COL5A1: variants seen among roughly 807,000 people sequenced by gnomAD.
COL5A1 encodes collagen type V alpha 1 chain, also known as collagen alpha-1(V) chain.
Under a neutral mutation model 263.7 loss-of-function variants are expected in COL5A1, and 16 were observed. The observed-to-expected ratio is 0.06, with a 90% CI of 0.04 to 0.09. The LOEUF (loss-of-function observed/expected upper bound fraction) is 0.09. Ranked by LOEUF, COL5A1 falls within the 10% of genes least tolerant of loss-of-function variation. The pLI is 1.00. For synonymous variants in COL5A1, 1,012 were observed against 1,004.5 expected, an observed-to-expected ratio of 1.01 and a Z score of -0.14; for missense variants, 2,036 against 2,540.5, an observed-to-expected ratio of 0.80 and a Z score of 4.27.
At chr9:134,685,646 A>T (rs1394187279) in intron 1 of COL5A1, among the ~76,000 whole-genome samples, 1 of 126,982 alleles carries the variant, frequency 7.9e-6, no homozygotes, top group Non-Finnish European at 1.7e-5. Flanking sequence ...CCATCCATCC[A>T]TGCATCCATT....
At chr9:134,830,110 T>G (rs547237233) in intron 64 of COL5A1, 66 bp downstream of exon 64, 8 of 1,612,856 alleles carry the variant, frequency 5.0e-6, no homozygotes, top group Middle Eastern at 3.3e-4. Context: ...TCTTACAGAG[T>G]AAAATGGCCC....
intron 11 of COL5A1, among the ~76,000 whole-genome samples, chr9:134,744,400 C>T (rs550216362): frequency 7.5e-4 from 114 of 152,052 alleles, no homozygotes; most frequent in Middle Eastern, 3.4e-3. Context: ...CACACTCAAC[C>T]GTATATGCAC....
rs200583777 is a variant in COL5A1 at position 134,786,062 on chromosome 9, G to A, written c.2646+14G>A. 125 of 1,607,728 alleles carry A rather than the reference G, an allele frequency of 7.8e-5. No homozygotes were observed. The highest frequency in any genetic ancestry group is 6.6e-4 in the Middle Eastern group (4 of 6,056). ...CAAGGACCAAAGGTAACTTCTGGCC[G>A]TGTTAGGTGTCCCGGGACAGGCGGA... On this transcript the variant is annotated intron_variant, in intron 31 of 65. Transcript: ENST00000371817.
rs1564435818 is a variant in COL5A1, at chr9:134,757,381, C to T, written c.1881+563C>T. ...CTTGGCTCACCCCTCCTCCTCGCCT[C>T]TTGGAAGCATTTGTCCCAGGCCACG... is the stretch of plus-strand genomic sequence containing the variant. On this transcript the variant is annotated intron_variant, in intron 17 of 65. Transcript: ENST00000371817. The surrounding 1 kb of genome is among the most constrained non-coding windows in gnomAD (Gnocchi z 6.2). Among the ~76,000 whole-genome samples the T allele has an allele frequency of 1.3e-5, 2 of 152,172 alleles. No individual in the cohort carries two copies.
In COL5A1 at chr9:134,770,383, G is replaced by A. The variant is rs937821408; in HGVS notation, c.2286+1920G>A. On this transcript the variant is annotated intron_variant, in intron 25 of 65. Coordinates refer to ENST00000371817, the MANE Select transcript of COL5A1 (RefSeq NM_000093.5). ...GCACACGCTGGGGAAATGGCTAAGT[G>A]AATTATGGCTCAGTGGAATATATTC... is the stretch of plus-strand genomic sequence containing the variant. Among the ~76,000 whole-genome samples the A allele has an allele frequency of 5.3e-5, 8 of 152,210 alleles. No individual in the cohort carries two copies. In the East Asian group the frequency reaches 1.5e-3, roughly 29 times the overall value.
intron 1 of COL5A1, among the ~76,000 whole-genome samples, chr9:134,684,312 T>C (rs1393870325): frequency 6.6e-6 from 1 of 152,080 alleles, no homozygotes; most frequent in Non-Finnish European, 1.5e-5. Context: ...TGTACAGATG[T>C]CCAGCAGCCC....
intron 20 of COL5A1, 125 bp downstream of exon 20, chr9:134,763,862 A>C: frequency 1.0e-6 from 1 of 954,418 alleles, no homozygotes; most frequent in Non-Finnish European, 1.6e-6. Flanking sequence ...CGACCTGAGA[A>C]CAGACGGACC....
rs537011028 is a variant in COL5A1 at position 134,717,992 on chromosome 9, A to T, written c.655-9274A>T. ...TGCGATTAGAGGGAGCAGCAGCATG[A>T]GAAGCAGCCTGGGCTGGGGGGCCGC... On this transcript the variant is annotated intron_variant, in intron 4 of 65. Coordinates refer to ENST00000371817, the MANE Select transcript of COL5A1 (RefSeq NM_000093.5). 4.7e-5 allele frequency among the ~76,000 whole-genome samples: 7 copies of T among 150,336 alleles called. No homozygotes were observed. In the East Asian group the frequency reaches 1.5e-3, roughly 31 times the overall value.
chr9:134,818,558 TC>T lies in COL5A1; in HGVS notation c.4231-96del. 2.4e-6 allele frequency: 2 copies of T among 846,934 alleles called. No individual in the cohort carries two copies. Among genetic ancestry groups the T allele is most frequent in the South Asian group, 2.9e-5 (2 of 68,816 alleles). 52.5% of individuals were successfully genotyped at this position (846,934 alleles called of 1,614,324 possible). On this transcript the variant is annotated intron_variant, in intron 54 of 65. Coordinates refer to ENST00000371817, the MANE Select transcript of COL5A1 (RefSeq NM_000093.5). This position sits in a 1 kb window ranked among gnomAD's most constrained non-coding sequence, Gnocchi z 6.0. ...CCCCGGATATGGGGTCACCTGGGAC[TC>T]CTCCAGAGGTGCCCAGGGTTTCCGA... is the stretch of plus-strand genomic sequence containing the variant.
intron 65 of COL5A1, among the ~76,000 whole-genome samples, chr9:134,839,778 T>G (rs1839963421): frequency 6.6e-6 from 1 of 152,194 alleles, no homozygotes; most frequent in Non-Finnish European, 1.5e-5. Context: ...CTGGAGGGTG[T>G]GGATGGCCAC....
intron 4 of COL5A1, among the ~76,000 whole-genome samples, chr9:134,703,578 TG>T (rs1833740103): frequency 6.6e-6 from 1 of 151,452 alleles, no homozygotes; most frequent in Non-Finnish European, 1.5e-5. Context: ...CCTGTTGTTC[TG>T]TGGGTCGAGG....
Position 134,812,316 on chromosome 9 carries a change from A to G in COL5A1, c.3691-133A>G, listed in dbSNP as rs765334068. 43 of 853,192 alleles carry G rather than the reference A, an allele frequency of 5.0e-5. No homozygotes were observed. In the Middle Eastern group the frequency reaches 8.7e-4, roughly 17 times the overall value. 52.9% of individuals were successfully genotyped at this position (853,192 alleles called of 1,614,324 possible). ...CCCCGGGACGTCCTCGTGGGTAGCTATGCACAGAGAAGCACCTTCCCGGGG... is the reference window on the plus strand; with the variant it reads ...CCCCGGGACGTCCTCGTGGGTAGCTGTGCACAGAGAAGCACCTTCCCGGGG... On this transcript the variant is annotated intron_variant, in intron 46 of 65. Coordinates refer to ENST00000371817, the MANE Select transcript of COL5A1 (RefSeq NM_000093.5).
At chr9:134,786,086 G>A in intron 31 of COL5A1, 38 bp downstream of exon 31, 1 of 1,571,532 alleles carries the variant, frequency 6.4e-7, no homozygotes, top group Non-Finnish European at 8.7e-7. Context: ...GGGACAGGCG[G>A]AGGGATGTTC....
At chr9:134,788,750 T>G (rs62571367) in intron 31 of COL5A1, among the ~76,000 whole-genome samples, 2,950 of 149,690 alleles carry the variant, frequency 0.02, 35 homozygotes, top group East Asian at 0.055. Context: ...AACAAGTGGA[T>G]GGATGGGTGG....
rs1215309340 is a variant in COL5A1, at chr9:134,677,171, C to G, written c.110-13741C>G. ...ATCTTCCTTGAGCTTCATGAAGGAA[C>G]AGTGTCTCTGCTGGATGCTACCTTG... On this transcript the variant is annotated intron_variant, in intron 1 of 65. Transcript: ENST00000371817. This position sits in a 1 kb window ranked among gnomAD's most constrained non-coding sequence, Gnocchi z 4.4. Among the ~76,000 whole-genome samples, 2 of 152,170 alleles carry G rather than the reference C, an allele frequency of 1.3e-5. No individual in the cohort carries two copies. The highest frequency in any genetic ancestry group is 2.4e-5 in the African/African-American group (1 of 41,440).
In COL5A1 at chr9:134,751,345, C is replaced by T. The variant is rs368222042; in HGVS notation, c.1662+463C>T. On this transcript the variant is annotated intron_variant, in intron 13 of 65. Coordinates refer to ENST00000371817, the MANE Select transcript of COL5A1 (RefSeq NM_000093.5). ...ACAAGGGGCTTCTGGGCCCCTCCAC[C>T]TCTGACCCAGTAGGCCCACCTTCCA... is the stretch of plus-strand genomic sequence containing the variant. 3.9e-5 allele frequency among the ~76,000 whole-genome samples: 6 copies of T among 152,354 alleles called. No homozygotes were observed. The East Asian group carries it at 1.2e-3, about 29-fold the overall frequency.
At position 134,728,820 on chromosome 9, in the gene COL5A1, CG is replaced by C. The variant is rs751766904; in HGVS notation, c.924+18del. On this transcript the variant is annotated intron_variant, in intron 6 of 65. Transcript: ENST00000371817. The stretch of plus-strand genomic sequence containing the variant: ...AGAGGTCCCCGAGGTCTGGGCTGAG[CG>C]GGGGACTGGGTTGGGCTGGGCCCCT... The C allele has an allele frequency of 5.6e-6, 9 of 1,613,884 alleles. No individual in the cohort carries two copies. Among genetic ancestry groups the C allele is most frequent in the Admixed American group, 3.3e-5 (2 of 60,016 alleles).
intron 2 of COL5A1, among the ~76,000 whole-genome samples, chr9:134,695,645 A>AGGG (rs1348064334): frequency 6.6e-6 from 1 of 152,120 alleles, no homozygotes; most frequent in African/African-American, 2.4e-5. Flanking sequence ...GGCTGAGAGG[A>AGGG]GGGGGGTCCC....
intron 29 of COL5A1, among the ~76,000 whole-genome samples, chr9:134,783,291 T>G (rs1837329303): frequency 6.6e-6 from 1 of 152,218 alleles, no homozygotes; most frequent in Non-Finnish European, 1.5e-5. Flanking sequence ...AGACCTGGCT[T>G]ATTTTTAAAT....
Sources: gnomAD v4.1 joint callset for allele counts (sites outside exome capture counted in the v4.1 genomes callset) on GRCh38, gnomAD v4.1.1 for gene constraint, Gnocchi (gnomAD v3.1) non-coding constraint, MANE v1.5 for transcripts, NCBI Gene and HGNC (gene_info 2026-07-23, HGNC 2026-07-21) for gene names.